PTPRK: variants seen among roughly 807,000 people sequenced by gnomAD.
PTPRK encodes receptor-type tyrosine-protein phosphatase kappa.
In PTPRK, 75 loss-of-function variants were observed where a neutral mutation model predicts 178.0. The observed-to-expected ratio is 0.42, with a 90% confidence interval of 0.35 to 0.51. PTPRK has a LOEUF of 0.51. Among genes scored for constraint, PTPRK ranks in the 20% least tolerant of loss-of-function variants. The pLI, the probability that PTPRK is intolerant of heterozygous loss-of-function variation, is 0.02. For missense variants in PTPRK, 1,441 were observed against 1,797.8 expected (o/e 0.80, Z 3.59); for synonymous variants, 637 against 620.6 (o/e 1.03, Z -0.39).
chr6:128,140,415 T>C (rs984284909), intron 7 of PTPRK, among the ~76,000 whole-genome samples: 42 of 152,110 alleles, frequency 2.8e-4, no homozygotes, highest in African/African-American at 1.0e-3. Flanking sequence ...GTCAAATATC[T>C]CATAATAAAT....
At chr6:128,047,436 G>T (rs1778243775) in intron 13 of PTPRK, among the ~76,000 whole-genome samples, 1 of 152,046 alleles carries the variant, frequency 6.6e-6, no homozygotes, top group Non-Finnish European at 1.5e-5. Flanking sequence ...TCAAACAAAT[G>T]AAAAATGAAT....
intron 6 of PTPRK, among the ~76,000 whole-genome samples, chr6:128,198,879 A>C (rs1179444618): frequency 6.6e-6 from 1 of 152,174 alleles, no homozygotes; most frequent in Middle Eastern, 3.2e-3. Flanking sequence ...AATTACATTT[A>C]TGTCTTCAGT....
At chr6:128,050,810 G>A (rs1263498804) in intron 13 of PTPRK, among the ~76,000 whole-genome samples, 1 of 152,094 alleles carries the variant, frequency 6.6e-6, no homozygotes, top group East Asian at 1.9e-4. Flanking sequence ...CAAAGTGTTG[G>A]GATTACAGGC....
At chr6:127,977,509 C>T (rs569979910) in intron 25 of PTPRK, among the ~76,000 whole-genome samples, 4 of 152,182 alleles carry the variant, frequency 2.6e-5, no homozygotes, top group East Asian at 1.9e-4. Context: ...AGTGTGTGTG[C>T]GTGCAAGTAA....
At chr6:128,088,392 G>T (rs1786342321) in intron 8 of PTPRK, among the ~76,000 whole-genome samples, 1 of 150,036 alleles carries the variant, frequency 6.7e-6, no homozygotes, top group Non-Finnish European at 1.5e-5. Flanking sequence ...AAAAAGAAAA[G>T]AAAAGAAAAA....
intron 3 of PTPRK, among the ~76,000 whole-genome samples, chr6:128,306,401 C>T (rs960938050): frequency 6.6e-6 from 1 of 152,072 alleles, no homozygotes; most frequent in Non-Finnish European, 1.5e-5. Context: ...AGTTAGAAGA[C>T]AGATGTTATA....
intron 1 of PTPRK, among the ~76,000 whole-genome samples, chr6:128,466,691 G>A (rs1849886732): frequency 6.6e-6 from 1 of 152,034 alleles, no homozygotes; most frequent in Admixed American, 6.6e-5. Flanking sequence ...ATACAATGTT[G>A]CACACAATAT....
intron 3 of PTPRK, among the ~76,000 whole-genome samples, chr6:128,291,982 G>A (rs1337484651): frequency 6.6e-6 from 1 of 152,016 alleles, no homozygotes; most frequent in African/African-American, 2.4e-5. Context: ...TCACGCTAAT[G>A]CAATATATCA....
At chr6:128,450,406 T>A (rs1847636562) in intron 1 of PTPRK, among the ~76,000 whole-genome samples, 1 of 152,248 alleles carries the variant, frequency 6.6e-6, no homozygotes, top group Non-Finnish European at 1.5e-5. Context: ...CCACTTGTTC[T>A]AATGCATGGA....
intron 7 of PTPRK, among the ~76,000 whole-genome samples, chr6:128,137,704 G>C (rs1795208480): frequency 6.6e-6 from 1 of 152,068 alleles, no homozygotes; most frequent in South Asian, 2.1e-4. Flanking sequence ...CAGCATCCAA[G>C]ATAGTCTTTT....
At chr6:128,177,343 G>A (rs753281434) in intron 7 of PTPRK, among the ~76,000 whole-genome samples, 2 of 151,216 alleles carry the variant, frequency 1.3e-5, no homozygotes, top group African/African-American at 2.4e-5. Context: ...GGACTTGAGG[G>A]GAAAGAACAT....
At position 127,969,031 on chromosome 6, in the gene PTPRK, G is replaced by C. The variant is rs1056387736; in HGVS notation, c.*1196C>G. On this transcript the variant is annotated 3_prime_UTR_variant, in exon 30 of 30. Coordinates refer to ENST00000368226, the MANE Select transcript of PTPRK (RefSeq NM_002844.4). ...CATTGATTTGTTCACACTTTTTATA[G>C]TCAGAACGCAAAGCTTGTGCATGTA... 6.6e-6 allele frequency: 1 copy of C among 152,188 alleles called. No homozygotes were observed. The highest frequency in any genetic ancestry group is 1.5e-5 in the Non-Finnish European group (1 of 68,036). 9.4% of individuals were successfully genotyped at this position (152,188 alleles called of 1,614,324 possible). A position where few individuals can be genotyped will look rare whatever the true frequency, so the allele number is the denominator to read the frequency against.
chr6:128,235,604 T>C (rs781130984), intron 5 of PTPRK: 1 of 501,342 alleles, frequency 2.0e-6, no homozygotes, highest in South Asian at 1.5e-5. Context: ...AGTCTGAAAA[T>C]CTTAAATGAA....
chr6:128,023,456 G>T (rs942483237), intron 13 of PTPRK, among the ~76,000 whole-genome samples: 4 of 152,082 alleles, frequency 2.6e-5, no homozygotes, highest in Admixed American at 6.6e-5. Context: ...CCTGGAGCTG[G>T]TGTTGCCTCC....
At chr6:128,409,716 T>C (rs1047835098) in intron 1 of PTPRK, among the ~76,000 whole-genome samples, 2 of 152,142 alleles carry the variant, frequency 1.3e-5, no homozygotes, top group African/African-American at 4.8e-5. Context: ...GGGAGGTAAT[T>C]GAATCATGGA....
intron 2 of PTPRK, among the ~76,000 whole-genome samples, chr6:128,359,435 T>A (rs1050800698): frequency 4.6e-5 from 7 of 151,872 alleles, no homozygotes; most frequent in Non-Finnish European, 1.0e-4. Context: ...ATGAAAGTTA[T>A]CTGTTTGTTT....
chr6:127,971,051 C>T (rs896593809), intron 29 of PTPRK, among the ~76,000 whole-genome samples: 1 of 152,156 alleles, frequency 6.6e-6, no homozygotes, highest in East Asian at 1.9e-4. Context: ...AGTATTTAAG[C>T]AAATTTTTCA....
chr6:127,981,401 G>A (rs990799701), intron 24 of PTPRK, 112 bp from the exon 25 acceptor site: 16 of 905,662 alleles, frequency 1.8e-5, no homozygotes, highest in Middle Eastern at 5.1e-4. Context: ...TTTGTGCGAG[G>A]CAATGGCATT....
chr6:128,074,304 C>A (rs192830796), intron 11 of PTPRK, among the ~76,000 whole-genome samples: 331 of 152,114 alleles, frequency 2.2e-3, no homozygotes, highest in Non-Finnish European at 3.8e-3. Context: ...ATTAACTTTA[C>A]AATAAACAGT....
Sources: allele counts gnomAD v4.1 joint callset (sites outside exome capture counted in the v4.1 genomes callset), GRCh38; gene constraint gnomAD v4.1.1; transcripts MANE v1.5; gene names NCBI Gene and HGNC (gene_info 2026-07-23, HGNC 2026-07-21).